Variants in AKR1E2 observed in about 807,000 individuals in gnomAD.
AKR1E2 encodes aldo-keto reductase family 1 member E2, also known as 1,5-anhydro-D-fructose reductase.
A neutral mutation model predicts 41.9 loss-of-function variants in AKR1E2; 43 were observed. The ratio of observed to expected loss-of-function variants is 1.03; its 90% confidence interval spans 0.80 to 1.32. The LOEUF is 1.32. Ranked by LOEUF, AKR1E2 falls within the 40% of genes most tolerant of loss-of-function variation. AKR1E2 has a pLI of 0.00. For synonymous variants in AKR1E2, 121 were observed against 138.9 expected (o/e 0.87, Z 0.91); for missense variants, 423 against 396.5 (o/e 1.07, Z -0.57).
chr10:4,851,382 C>A (rs998628293), downstream of AKR1E2, among the ~76,000 whole-genome samples: 1 of 152,196 alleles, frequency 6.6e-6, no homozygotes, highest in South Asian at 2.1e-4. Flanking sequence ...GGCTAATGGG[C>A]GTGACTCTAG....
chr10:4,868,721 A>G, the AKR1E2 span, among the ~76,000 whole-genome samples: 6 of 152,072 alleles, frequency 3.9e-5, no homozygotes, highest in Non-Finnish European at 8.8e-5. Flanking sequence ...CTGTAGTCCT[A>G]TTTTCTGAAA....
upstream of AKR1E2, among the ~76,000 whole-genome samples, chr10:4,825,441 A>G (rs528601775): frequency 2.0e-5 from 3 of 152,000 alleles, no homozygotes; most frequent in South Asian, 6.2e-4. Flanking sequence ...AGCCCAGTCC[A>G]CTCATAAGGG....
the AKR1E2 span, among the ~76,000 whole-genome samples, chr10:4,868,923 T>A: frequency 1.3e-5 from 2 of 152,162 alleles, no homozygotes; most frequent in Non-Finnish European, 2.9e-5. Flanking sequence ...TATATTTTTT[T>A]AAATTCTATT....
At position 4,847,815 on chromosome 10, in the gene AKR1E2, A is replaced by G. The variant is rs543943068; in HGVS notation, c.*285A>G. The G allele has an allele frequency of 2.2e-6, 1 of 445,502 alleles. No individual in the cohort carries two copies. The highest frequency in any genetic ancestry group is 4.0e-5 in the Admixed American group (1 of 25,080). The allele number at this position is 445,502 out of a possible 1,614,324, so 27.6% of individuals were successfully genotyped here. A position where few individuals can be genotyped will look rare whatever the true frequency, so the allele number is the denominator to read the frequency against. The stretch of plus-strand genomic sequence containing the variant: ...TGCCTTCACATTTTAAGAAAACTTT[A>G]TCTTATGGAGTTATTTAAGCCATCT... On this transcript the variant is annotated 3_prime_UTR_variant, in exon 10 of 10. Coordinates refer to ENST00000298375, the MANE Select transcript of AKR1E2 (RefSeq NM_001040177.3).
chr10:4,861,021 A>G, the AKR1E2 span, among the ~76,000 whole-genome samples: 1 of 152,184 alleles, frequency 6.6e-6, no homozygotes, highest in Non-Finnish European at 1.5e-5. Context: ...TTGAAATTTG[A>G]CCAGTACATT....
At chr10:4,866,757 G>T in the AKR1E2 span, among the ~76,000 whole-genome samples, 7 of 151,806 alleles carry the variant, frequency 4.6e-5, no homozygotes, top group Non-Finnish European at 8.8e-5. Context: ...TAACTTGGCG[G>T]GTGGGGGGAA....
chr10:4,865,523 G>A, the AKR1E2 span, among the ~76,000 whole-genome samples: 3 of 152,256 alleles, frequency 2.0e-5, no homozygotes, highest in South Asian at 6.2e-4. Flanking sequence ...AATTCCAAAA[G>A]CCAGTAAGCA....
At chr10:4,870,684 A>G in the AKR1E2 span, among the ~76,000 whole-genome samples, 3 of 149,994 alleles carry the variant, frequency 2.0e-5, no homozygotes, top group Middle Eastern at 3.2e-3. Context: ...GTTAGGTGAC[A>G]TTTTTCTCTT....
downstream of AKR1E2, among the ~76,000 whole-genome samples, chr10:4,849,884 A>ATGGC (rs1362107672): frequency 6.6e-6 from 1 of 152,142 alleles, no homozygotes; most frequent in Non-Finnish European, 1.5e-5. Flanking sequence ...TTAACAGGAG[A>ATGGC]TGGCAGCCTT....
chr10:4,830,558 C>A (rs558416453), intron 1 of AKR1E2, 117 bp from the exon 2 acceptor site: 7 of 1,174,660 alleles, frequency 6.0e-6, no homozygotes, highest in Middle Eastern at 2.5e-4. Context: ...TATACTAGTA[C>A]CAAATTAGTG....
chr10:4,829,272 T>TA (rs1832782560), intron 1 of AKR1E2, among the ~76,000 whole-genome samples: 1 of 152,226 alleles, frequency 6.6e-6, no homozygotes, highest in African/African-American at 2.4e-5. Context: ...TTTAATCTGT[T>TA]AATATTGATG....
At chr10:4,869,975 T>C in the AKR1E2 span, among the ~76,000 whole-genome samples, 10 of 152,230 alleles carry the variant, frequency 6.6e-5, no homozygotes, top group East Asian at 1.7e-3. Flanking sequence ...TGCTTGATTA[T>C]GTGATTTGGG....
In AKR1E2 at chr10:4,837,570, C is replaced by A. The variant is rs1257914118; in HGVS notation, c.571C>A (p.Leu191Ile). The A allele has an allele frequency of 2.5e-6, 4 of 1,613,312 alleles. No homozygotes were observed. The highest frequency in any genetic ancestry group is 3.4e-6 in the Non-Finnish European group (4 of 1,179,456). Residue 191 changes from leucine (L) to isoleucine (I), a missense_variant, in exon 5 of 10, where the codon CTA becomes ATA. Physicochemically the swap from Leu to Ile is conservative, Grantham distance 5 (BLOSUM62 2). Coordinates refer to ENST00000298375, the MANE Select transcript of AKR1E2 (RefSeq NM_001040177.3). ...LNKPGLRFKP[L>I]TNQIECHPYL... ...TAAGCCTGGGTTGAGGTTCAAGCCA[C>A]TAACCAACCAGGTAAGCCGATGGAA...
intron 8 of AKR1E2, 64 bp downstream of exon 8, chr10:4,842,568 T>G: frequency 6.9e-7 from 1 of 1,459,084 alleles, no homozygotes. Flanking sequence ...AAGGGATGAC[T>G]GCTGTAGCAT....
downstream of AKR1E2, among the ~76,000 whole-genome samples, chr10:4,849,962 G>A (rs1834492807): frequency 2.0e-5 from 3 of 152,208 alleles, no homozygotes; most frequent in African/African-American, 7.2e-5. Flanking sequence ...ACAATGGATA[G>A]CAAAAATAGG....
At chr10:4,870,988 T>C in the AKR1E2 span, among the ~76,000 whole-genome samples, 1 of 152,288 alleles carries the variant, frequency 6.6e-6, no homozygotes, top group Admixed American at 6.5e-5. Context: ...CTGTCTCTTT[T>C]CTCCCTGTTG....
At chr10:4,857,390 T>C in the AKR1E2 span, among the ~76,000 whole-genome samples, 1 of 140,996 alleles carries the variant, frequency 7.1e-6, no homozygotes, top group Non-Finnish European at 1.6e-5. Context: ...TATCTAAAAG[T>C]GTGTAGTACC....
chr10:4,853,927 G>A, the AKR1E2 span, among the ~76,000 whole-genome samples: 5 of 152,256 alleles, frequency 3.3e-5, no homozygotes, highest in African/African-American at 1.2e-4. Context: ...CAGCGCCATG[G>A]CAATGTCAGG....
chr10:4,842,476 C>G lies in AKR1E2; in HGVS notation c.809C>G (p.Thr270Ser). 4.3e-6 allele frequency: 7 copies of G among 1,614,068 alleles called. No individual in the cohort carries two copies. The highest frequency in any genetic ancestry group is 5.9e-6 in the Non-Finnish European group (7 of 1,179,970). Reference protein sequence around the residue: ...RNVIVIPGSITPSHIKENIQV... With the variant: ...RNVIVIPGSISPSHIKENIQV... ...GTGATAGTGATCCCCGGATCTATCA[C>G]CCCAAGTCACATTAAAGAGAATATC... Residue 270 changes from threonine (T) to serine (S), a missense_variant, in exon 8 of 10, where the codon ACC (threonine) becomes AGC (serine). By Grantham distance (58) the Thr-to-Ser change is moderately conservative. Coordinates refer to ENST00000298375, the MANE Select transcript of AKR1E2 (RefSeq NM_001040177.3).
Sources: gnomAD v4.1 joint callset for allele counts (sites outside exome capture counted in the v4.1 genomes callset) on GRCh38, gnomAD v4.1.1 for gene constraint, MANE v1.5 for transcripts, NCBI Gene and HGNC (gene_info 2026-07-23, HGNC 2026-07-21) for gene names.